CWH43: variants seen among roughly 807,000 people sequenced by gnomAD.
CWH43 encodes the protein PGAP2-interacting protein.
CWH43 carries 91 observed loss-of-function variants against 85.7 expected under a neutral mutation model. The ratio of observed to expected loss-of-function variants is 1.06; its 90% CI spans 0.90 to 1.26. The LOEUF (loss-of-function observed/expected upper bound fraction) is 1.26. Ranked by LOEUF, CWH43 falls within the 50% of genes most tolerant of loss-of-function variation. The pLI is 0.00. For synonymous variants in CWH43, 323 were observed against 293.6 expected (o/e 1.10, Z -1.02); for missense variants, 869 against 839.2 (o/e 1.04, Z -0.44).
At chr4:49,048,897 C>T (rs571996974) in intron 14 of CWH43, among the ~76,000 whole-genome samples, 2 of 152,180 alleles carry the variant, frequency 1.3e-5, no homozygotes, top group South Asian at 4.2e-4. Flanking sequence ...GTCCACAAAA[C>T]TAATTTTGTA....
At chr4:49,013,115 C>T (rs1783419478) in intron 8 of CWH43, among the ~76,000 whole-genome samples, 1 of 152,246 alleles carries the variant, frequency 6.6e-6, no homozygotes, top group Non-Finnish European at 1.5e-5. Flanking sequence ...TCCATAGAGG[C>T]AGTAGACCTT....
At chr4:49,024,370 A>G (rs747607363) in intron 9 of CWH43, among the ~76,000 whole-genome samples, 2 of 152,134 alleles carry the variant, frequency 1.3e-5, no homozygotes, top group Non-Finnish European at 2.9e-5. Context: ...GTGAGGTACT[A>G]TTCTATTCAT....
chr4:49,017,358 T>G (rs1183055817), intron 9 of CWH43, 30 bp downstream of exon 9: 7 of 1,441,110 alleles, frequency 4.9e-6, no homozygotes. Flanking sequence ...GAAATAGAAT[T>G]TTATATGGTA....
At chr4:48,988,351 C>G (rs1273707311) in intron 1 of CWH43, 126 bp from the exon 2 acceptor site, 2 of 631,366 alleles carry the variant, frequency 3.2e-6, no homozygotes, top group East Asian at 2.9e-5. Flanking sequence ...ACAACTGGAA[C>G]CCAGTTCAGG....
chr4:49,014,810 A>AC (rs1257765913), intron 8 of CWH43, among the ~76,000 whole-genome samples: 1 of 151,250 alleles, frequency 6.6e-6, no homozygotes, highest in African/African-American at 2.4e-5. Context: ...TACATACAGC[A>AC]CCCCCCACTA....
Position 49,003,937 on chromosome 4 carries a change from T to C in CWH43, c.1005T>C (p.Ala335=). The part of the protein sequence containing the change: ...LEIFFCAWCT[A]FKFVPGGVYA... Reference sequence around the variant, plus strand: ...TATTTTTCTGTGCCTGGTGCACAGCTTTTAAGTTTGTCCCAGGAGGTGTCT... The same window carrying C: ...TATTTTTCTGTGCCTGGTGCACAGCCTTTAAGTTTGTCCCAGGAGGTGTCT... The change falls in exon 7 of 16, where the codon GCT becomes GCC. Residue 335 remains alanine, a synonymous_variant. Coordinates refer to ENST00000226432, the MANE Select transcript of CWH43 (RefSeq NM_025087.3). The C allele has an allele frequency of 6.2e-7, 1 of 1,613,466 alleles. No homozygotes were observed. Among genetic ancestry groups the C allele is most frequent in the Non-Finnish European group, 8.5e-7 (1 of 1,179,700 alleles).
At position 48,986,534 on chromosome 4, in the gene CWH43, C is replaced by T. The variant is rs554705247; in HGVS notation, c.43+62C>T. On this transcript the variant is annotated intron_variant, in intron 1 of 15. Coordinates refer to ENST00000226432, the MANE Select transcript of CWH43 (RefSeq NM_025087.3). The stretch of plus-strand genomic sequence containing the variant: ...CAGCTCCCCGGGCCATGTCCAGAGC[C>T]GTGGAGCCAGGCCAGGTTGGCTGAG... 1.1e-4 allele frequency: 166 copies of T among 1,545,840 alleles called. 1 individual carries two copies. The highest frequency in any genetic ancestry group is 1.4e-4 in the Non-Finnish European group (157 of 1,144,462).
chr4:48,986,751 A>G, intron 1 of CWH43: 1 of 1,290,190 alleles, frequency 7.8e-7, no homozygotes, highest in Non-Finnish European at 9.8e-7. Context: ...AGGAGCGCGA[A>G]TTCTCCTCGT....
At position 49,032,695 on chromosome 4, in the gene CWH43, G is replaced by A. The variant is rs1173659095; in HGVS notation, c.1638G>A (p.Val546=). 1 of 1,614,076 alleles carries A rather than the reference G, an allele frequency of 6.2e-7. No individual in the cohort carries two copies. ...NISGKLVDFV[V]THFGNHEDDL... ...CGGGCAAGCTGGTGGATTTTGTCGT[G>A]ACACACTTTGGGAACCACGAGTGGG... Residue 546 remains valine (V), a synonymous_variant, in exon 12 of 16, where the codon GTG becomes GTA. Transcript: ENST00000226432.
chr4:49,045,102 G>A (rs544938883), intron 14 of CWH43, among the ~76,000 whole-genome samples: 21 of 152,222 alleles, frequency 1.4e-4, no homozygotes, highest in African/African-American at 4.6e-4. Flanking sequence ...TAGGCTATTA[G>A]GCATGGTGAA....
intron 9 of CWH43, among the ~76,000 whole-genome samples, chr4:49,026,608 C>T (rs1268741412): frequency 2.0e-5 from 3 of 151,340 alleles, no homozygotes; most frequent in Admixed American, 2.0e-4. Flanking sequence ...CATAGCTTAG[C>T]TCCCACTTAC....
intron 14 of CWH43, among the ~76,000 whole-genome samples, chr4:49,045,334 A>C (rs149912456): frequency 7.9e-5 from 12 of 152,292 alleles, no homozygotes; most frequent in African/African-American, 2.4e-4. Context: ...TCCACATAAA[A>C]ATATTACCCG....
chr4:49,040,904 T>A (rs1166547792), intron 13 of CWH43, among the ~76,000 whole-genome samples: 1 of 152,248 alleles, frequency 6.6e-6, no homozygotes, highest in African/African-American at 2.4e-5. Flanking sequence ...TTAATCCATC[T>A]TGAATTAATT....
At chr4:48,998,673 G>C in intron 6 of CWH43, 125 bp downstream of exon 6, 1 of 708,990 alleles carries the variant, frequency 1.4e-6, no homozygotes, top group South Asian at 1.6e-5. Flanking sequence ...CAAATGGGCT[G>C]TTGTAAACAG....
chr4:49,036,138 TACTGCC>T (rs775880579), intron 12 of CWH43, among the ~76,000 whole-genome samples: 95 of 152,284 alleles, frequency 6.2e-4, no homozygotes, highest in Non-Finnish European at 1.2e-3. Flanking sequence ...AGAATGCAGC[TACTGCC>T]AGAGGGACTG....
At chr4:49,011,851 C>T (rs563394317) in intron 8 of CWH43, among the ~76,000 whole-genome samples, 5 of 152,336 alleles carry the variant, frequency 3.3e-5, no homozygotes, top group Admixed American at 6.5e-5. Context: ...CGCTGTTAGT[C>T]TGATGGGCTT....
At chr4:49,021,371 G>C (rs1381053507) in intron 9 of CWH43, among the ~76,000 whole-genome samples, 1 of 152,004 alleles carries the variant, frequency 6.6e-6, no homozygotes, top group Admixed American at 6.6e-5. Context: ...GTAATCATTT[G>C]GCTTATTTCT....
chr4:49,022,438 G>A lies in CWH43; in HGVS notation c.1266+5110G>A, dbSNP rs373214869. Among the ~76,000 whole-genome samples the A allele has an allele frequency of 2.0e-4, 30 of 152,182 alleles. No individual in the cohort carries two copies. The East Asian group carries it at 5.6e-3, about 28-fold the overall frequency. ...TGGATTATCTTTTTGATATGCTGGT[G>A]GATTCAGTTTGCTAGTATTATGTTG... On this transcript the variant is annotated intron_variant, in intron 9 of 15. Coordinates refer to ENST00000226432, the MANE Select transcript of CWH43 (RefSeq NM_025087.3).
At chr4:49,040,409 C>T (rs1420192143) in intron 13 of CWH43, among the ~76,000 whole-genome samples, 57 of 152,176 alleles carry the variant, frequency 3.7e-4, no homozygotes, top group East Asian at 5.8e-4. Context: ...CAGCACCTGT[C>T]GTTTCCTGAC....
Sources: gnomAD v4.1 joint callset for allele counts (sites outside exome capture counted in the v4.1 genomes callset) on GRCh38, gnomAD v4.1.1 for gene constraint, MANE v1.5 for transcripts, NCBI Gene and HGNC (gene_info 2026-07-23, HGNC 2026-07-21) for gene names.